KRT10: variants seen among roughly 807,000 people sequenced by gnomAD.
KRT10 encodes keratin, type I cytoskeletal 10.
KRT10 carries 40 observed loss-of-function variants against 59.2 expected under a neutral mutation model. That is an observed-to-expected ratio of 0.68 (90% CI 0.52 to 0.88). KRT10 has a LOEUF of 0.88. Among genes scored for constraint, KRT10 ranks in the 40% least tolerant of loss-of-function variants. The pLI is 0.00. For missense variants in KRT10, 719 were observed against 749.1 expected (o/e 0.96, Z 0.47); for synonymous variants, 336 against 310.7 (o/e 1.08, Z -0.86).
Position 40,821,645 on chromosome 17 carries a change from AT to A in KRT10, c.627+313del, listed in dbSNP as rs113525355. On this transcript the variant is annotated intron_variant, in intron 1 of 7. Transcript: ENST00000269576. ...ACATTTTGTTCTGATTCATATCATG[AT>A]TTTTTTTTTCAGTTTCTACATTTGT... is the stretch of plus-strand genomic sequence containing the variant. 1.0e-3 allele frequency among the ~76,000 whole-genome samples: 155 copies of A among 149,796 alleles called. 2 individuals carry two copies. Among genetic ancestry groups the A allele is most frequent in the African/African-American group, 2.8e-3 (113 of 40,724 alleles).
chr17:40,819,531 T>C lies in KRT10; in HGVS notation c.1359A>G (p.Leu453=), dbSNP rs1905247507. The part of the protein sequence containing the change: ...ENEIQTYRSL[L]EGEGSSGGGG... Reference sequence around the variant, plus strand: ...TTAAAATTTACCTTCCCTCTCCTTCTAGCAGGCTGCGGTAGGTTTGAATTT... The same window carrying C: ...TTAAAATTTACCTTCCCTCTCCTTCCAGCAGGCTGCGGTAGGTTTGAATTT... The change falls in exon 6 of 8, where the codon CTA becomes CTG. Residue 453 remains leucine, a synonymous_variant. Transcript: ENST00000269576. 1 of 1,613,946 alleles carries C rather than the reference T, an allele frequency of 6.2e-7. No individual in the cohort carries two copies. Among genetic ancestry groups the C allele is most frequent in the Non-Finnish European group, 8.5e-7 (1 of 1,179,754 alleles).
Position 40,818,845 on chromosome 17 carries a change from C to T in KRT10, c.1690G>A (p.Gly564Arg), listed in dbSNP as rs1425934297. 8.9e-6 allele frequency: 14 copies of T among 1,570,158 alleles called. No individual in the cohort carries two copies. Among genetic ancestry groups the T allele is most frequent in the African/African-American group, 1.4e-5 (1 of 72,724 alleles). ...CCGGAAGAGGAGGACTTGTGGCCTCCGCTGGAGCTGCCGCCGCCGTATCCG... is the reference window on the plus strand; with the variant it reads ...CCGGAAGAGGAGGACTTGTGGCCTCTGCTGGAGCTGCCGCCGCCGTATCCG... ...GGGYGGGSSS[G>R]GHKSSSSGSV... Residue 564 changes from glycine to arginine, a missense_variant, in exon 7 of 8, where the codon GGA (glycine) becomes AGA (arginine). Gly to Arg is a moderately radical substitution (Grantham distance 125). Coordinates refer to ENST00000269576, the MANE Select transcript of KRT10 (RefSeq NM_000421.5).
At chr17:40,821,477 A>G (rs1171465118) in intron 1 of KRT10, among the ~76,000 whole-genome samples, 1 of 152,228 alleles carries the variant, frequency 6.6e-6, no homozygotes, top group Non-Finnish European at 1.5e-5. Flanking sequence ...GATAAATACT[A>G]ATAAATAAAT....
rs774570582 is a variant in KRT10 at position 40,818,455 on chromosome 17, G to T, written c.*21C>A. ...GTCGGGCGCCACCTCTTCAATAATT[G>T]TCTTGATTACTCTGGTTTTGTTAGT... is the stretch of plus-strand genomic sequence containing the variant. On this transcript the variant is annotated 3_prime_UTR_variant, in exon 8 of 8. Coordinates refer to ENST00000269576, the MANE Select transcript of KRT10 (RefSeq NM_000421.5). The T allele has an allele frequency of 1.2e-6, 2 of 1,612,814 alleles. No individual in the cohort carries two copies. The highest frequency in any genetic ancestry group is 3.3e-5 in the Admixed American group (2 of 59,994).
At chr17:40,818,602 T>C in intron 7 of KRT10, 120 bp from the exon 8 acceptor site, 4 of 1,267,864 alleles carry the variant, frequency 3.2e-6, no homozygotes, top group Non-Finnish European at 4.5e-6. Flanking sequence ...AAAAAATGCT[T>C]AAGGTATGAC....
chr17:40,819,226 T>G, intron 6 of KRT10, 65 bp from the exon 7 acceptor site: 1 of 1,588,974 alleles, frequency 6.3e-7, no homozygotes, highest in African/African-American at 1.3e-5. Context: ...GCTTTCCAGT[T>G]GCCGTTAATT....
In KRT10 at chr17:40,820,651, C is replaced by G; in HGVS notation, c.727G>C (p.Ala243Pro). ...TCAGCCTCCACGCTCTGGCGCAGAG[C>G]TACCTCATTCTCATACCTGAAACAA... ...DFRLKYENEV[A>P]LRQSVEADIN... The change falls in exon 3 of 8, where the codon GCT (alanine) becomes CCT (proline). Residue 243 changes from alanine (A) to proline (P), a missense_variant. By Grantham distance (27) the Ala-to-Pro change is conservative. This residue lies in a region of KRT10 where 221 missense variants were observed against 277.8 expected (regional missense o/e 0.80). Coordinates refer to ENST00000269576, the MANE Select transcript of KRT10 (RefSeq NM_000421.5). The G allele has an allele frequency of 1.2e-6, 2 of 1,614,190 alleles. No homozygotes were observed. Among genetic ancestry groups the G allele is most frequent in the Non-Finnish European group, 1.7e-6 (2 of 1,180,046 alleles).
chr17:40,819,428 C>A (rs1905240325), intron 6 of KRT10, 89 bp downstream of exon 6: 1 of 1,362,360 alleles, frequency 7.3e-7, no homozygotes, highest in Non-Finnish European at 1.0e-6. Flanking sequence ...TCCTCTCATT[C>A]TCTGGCATCT....
Position 40,820,014 on chromosome 17 carries a change from ATAAAGT to A in KRT10, c.1155+29_1155+34del, listed in dbSNP as rs1307342998. 6 of 1,610,968 alleles carry A rather than the reference ATAAAGT, an allele frequency of 3.7e-6. No individual in the cohort carries two copies. The African/African-American group carries it at 8.0e-5, about 22-fold the overall frequency. ...TTAGGTGAGCATGAAACTTTGTATG[ATAAAGT>A]TGAAGTCATTTCATGAGAGTTAACA... On this transcript the variant is annotated intron_variant, in intron 5 of 7. Transcript: ENST00000269576.
At position 40,821,982 on chromosome 17, in the gene KRT10, T is replaced by G; in HGVS notation, c.604A>C (p.Thr202Pro). The change falls in exon 1 of 8, where the codon ACC becomes CCC. Residue 202 changes from threonine (T) to proline (P), a missense_variant. This residue lies in a region of KRT10 where 221 missense variants were observed against 277.8 expected (regional missense o/e 0.80). Coordinates refer to ENST00000269576, the MANE Select transcript of KRT10 (RefSeq NM_000421.5). ...EPRDYSKYYK[T>P]IDDLKNQILN... ...ACCTGATTTTTAAGGTCATCGATGGTTTTGTAGTATTTGCTGTAGTCACGA... is the reference window on the plus strand; with the variant it reads ...ACCTGATTTTTAAGGTCATCGATGGGTTTGTAGTATTTGCTGTAGTCACGA... 6.2e-7 allele frequency: 1 copy of G among 1,614,006 alleles called. No homozygotes were observed. Among genetic ancestry groups the G allele is most frequent in the Non-Finnish European group, 8.5e-7 (1 of 1,179,932 alleles).
chr17:40,819,546 G>A lies in KRT10; in HGVS notation c.1344C>T (p.Thr448=). ...CCTCTCCTTCTAGCAGGCTGCGGTAGGTTTGAATTTCATTCTCCAGTCGGA... is the reference window on the plus strand; with the variant it reads ...CCTCTCCTTCTAGCAGGCTGCGGTAAGTTTGAATTTCATTCTCCAGTCGGA... ...IKIRLENEIQ[T]YRSLLEGEGS... is the part of the protein sequence containing the mutation. Residue 448 remains threonine, a synonymous_variant, in exon 6 of 8, where the codon ACC becomes ACT. Transcript: ENST00000269576. 1 of 1,614,130 alleles carries A rather than the reference G, an allele frequency of 6.2e-7. No homozygotes were observed. Among genetic ancestry groups the A allele is most frequent in the Non-Finnish European group, 8.5e-7 (1 of 1,179,964 alleles).
intron 6 of KRT10, 146 bp downstream of exon 6, chr17:40,819,371 T>C (rs1438110040): frequency 1.6e-5 from 18 of 1,141,412 alleles, no homozygotes; most frequent in African/African-American, 4.7e-5. Context: ...GAAAGTGAGA[T>C]TGCGGTTGCG....
intron 1 of KRT10, 34 bp from the exon 2 acceptor site, chr17:40,821,151 T>C (rs1905359823): frequency 1.3e-6 from 2 of 1,483,022 alleles, no homozygotes; most frequent in Non-Finnish European, 1.9e-6. Flanking sequence ...TGAGAAGAGG[T>C]CAGATGCAGA....
Position 40,818,773 on chromosome 17 carries a change from T to G in KRT10, c.1748+14A>C. The stretch of plus-strand genomic sequence containing the variant: ...TAAAACTAATTCTGATTACCCCAGC[T>G]AGTTTCTGCTGACCTTGGTCCCTTA... On this transcript the variant is annotated intron_variant, in intron 7 of 7. Coordinates refer to ENST00000269576, the MANE Select transcript of KRT10 (RefSeq NM_000421.5). The G allele has an allele frequency of 6.4e-7, 1 of 1,563,894 alleles. No homozygotes were observed. The highest frequency in any genetic ancestry group is 8.6e-7 in the Non-Finnish European group (1 of 1,163,962).
chr17:40,819,452 A>G, intron 6 of KRT10, 65 bp downstream of exon 6: 2 of 1,476,706 alleles, frequency 1.4e-6, no homozygotes, highest in Non-Finnish European at 1.9e-6. Flanking sequence ...TGGGGTTTAG[A>G]TAAGCCTTGC....
chr17:40,818,993 C>T lies in KRT10; in HGVS notation c.1542G>A (p.Gly514=), dbSNP rs771706679. ...CGTGGCCGCCGCTGGAGCTTCCGCC[C>T]CCGTAGCCGCCGCCGGAGCTTCCGC... is the stretch of plus-strand genomic sequence containing the variant. The part of the protein sequence containing the change: ...SGGGSSGGGY[G]GGSSSGGHGG... Residue 514 remains glycine (G), a synonymous_variant, in exon 7 of 8, where the codon GGG becomes GGA. Coordinates refer to ENST00000269576, the MANE Select transcript of KRT10 (RefSeq NM_000421.5). 4 of 1,296,452 alleles carry T rather than the reference C, an allele frequency of 3.1e-6. No individual in the cohort carries two copies. The highest frequency in any genetic ancestry group is 3.9e-6 in the Non-Finnish European group (4 of 1,018,118). The allele number at this position is 1,296,452 out of a possible 1,614,324, so 80.3% of individuals were successfully genotyped here.
Position 40,818,411 on chromosome 17 carries a change from T to C in KRT10, c.*65A>G, listed in dbSNP as rs12231. On this transcript the variant is annotated 3_prime_UTR_variant, in exon 8 of 8. Transcript: ENST00000269576. ...TGTTTCTTGGTTTCTGATTCAACCA[T>C]AGATGAAAGAACTCTACCGTCGGGC... The C allele has an allele frequency of 2.9e-3, 4,632 of 1,610,872 alleles. 106 individuals carry two copies. In the African/African-American group the frequency reaches 0.053, roughly 18 times the overall value.
rs4261597 is a variant in KRT10, at chr17:40,822,284, A to G, written c.302T>C (p.Ile101Thr). Reference protein sequence around the residue: ...SSSFGGSYGGIFGGGSFGGGS... With the variant: ...SSSFGGSYGGTFGGGSFGGGS... ...ACCTCCGAAACTGCCCCCTCCAAAGATGCCTCCATAACTCCCACCAAAGCT... is the reference window on the plus strand; with the variant it reads ...ACCTCCGAAACTGCCCCCTCCAAAGGTGCCTCCATAACTCCCACCAAAGCT... The change falls in exon 1 of 8, where the codon ATC becomes ACC. Residue 101 changes from isoleucine (I) to threonine (T), a missense_variant. Ile to Thr is a moderately conservative substitution (Grantham distance 89). Transcript: ENST00000269576. 1 of 1,606,640 alleles carries G rather than the reference A, an allele frequency of 6.2e-7. No homozygotes were observed. Among genetic ancestry groups the G allele is most frequent in the Non-Finnish European group, 8.5e-7 (1 of 1,176,988 alleles).
chr17:40,822,047 T>A lies in KRT10; in HGVS notation c.539A>T (p.Glu180Val), dbSNP rs1905421843. The change falls in exon 1 of 8, where the codon GAG (glutamate) becomes GTG (valine). Residue 180 changes from glutamate to valine, a missense_variant. Around this residue, in one of 4 missense-constraint regions of KRT10, gnomAD observed 221 missense variants for 277.8 expected, o/e 0.80. Transcript: ENST00000269576. ...SNYELEGKIK[E>V]WYEKHGNSHQ... ...TGAGTTGCCATGCTTTTCATACCACTCCTTGATTTTGCCTTCCAGCTCATA... is the reference window on the plus strand; with the variant it reads ...TGAGTTGCCATGCTTTTCATACCACACCTTGATTTTGCCTTCCAGCTCATA... The A allele has an allele frequency of 6.2e-7, 1 of 1,614,002 alleles. No homozygotes were observed. Among genetic ancestry groups the A allele is most frequent in the African/African-American group, 1.3e-5 (1 of 74,890 alleles).
Sources: allele counts gnomAD v4.1 joint callset (sites outside exome capture counted in the v4.1 genomes callset), GRCh38; gene constraint gnomAD v4.1.1; regional missense constraint gnomAD v4.1.1; transcripts MANE v1.5; gene names NCBI Gene and HGNC (gene_info 2026-07-23, HGNC 2026-07-21).